The following TNKS variants were observed in gnomAD, a reference collection of about 807,000 sequenced individuals.
The protein encoded by TNKS is poly [ADP-ribose] polymerase tankyrase-1.
In TNKS, 72 loss-of-function variants were observed where a neutral mutation model predicts 135.8. The ratio of observed to expected loss-of-function variants is 0.53; its 90% CI spans 0.44 to 0.64. The LOEUF is 0.64. TNKS is among the 30% of genes least tolerant of loss of function. The pLI, the probability that TNKS is intolerant of heterozygous loss-of-function variation, is 0.00. For missense variants in TNKS, 1,769 were observed against 1,674.0 expected (o/e 1.06, Z -0.99); for synonymous variants, 849 against 649.3 (o/e 1.31, Z -4.68).
chr8:9,701,364 T>C (rs1321792910), intron 5 of TNKS, among the ~76,000 whole-genome samples: 1 of 152,222 alleles, frequency 6.6e-6, no homozygotes, highest in Non-Finnish European at 1.5e-5. Flanking sequence ...TAAAAGATAA[T>C]ACGAAAATGG....
intron 20 of TNKS, among the ~76,000 whole-genome samples, chr8:9,760,862 G>C (rs879848242): frequency 6.6e-6 from 1 of 152,174 alleles, no homozygotes; most frequent in Non-Finnish European, 1.5e-5. Context: ...AAGGAGAAGG[G>C]ATTAAGTCTG....
chr8:9,740,055 T>TAAAAAAA (rs58285747), intron 17 of TNKS, among the ~76,000 whole-genome samples: 20 of 87,430 alleles, frequency 2.3e-4, no homozygotes, highest in East Asian at 3.6e-4. Flanking sequence ...TAGAGTATAA[T>TAAAAAAA]AAAAAAAAAA....
At chr8:9,638,546 G>C (rs1298577335) in intron 3 of TNKS, among the ~76,000 whole-genome samples, 1 of 152,164 alleles carries the variant, frequency 6.6e-6, no homozygotes, top group Non-Finnish European at 1.5e-5. Flanking sequence ...AATCTTGAAT[G>C]ACAGTTTATA....
At chr8:9,639,519 C>CT (rs34044932) in intron 3 of TNKS, among the ~76,000 whole-genome samples, 20,790 of 140,126 alleles carry the variant, frequency 0.15, 1,618 homozygotes, top group East Asian at 0.23. Context: ...TTATCTAAGC[C>CT]TTTTTTTTTT....
At chr8:9,586,235 A>T (rs1221806731) in intron 2 of TNKS, among the ~76,000 whole-genome samples, 1 of 152,212 alleles carries the variant, frequency 6.6e-6, no homozygotes, top group East Asian at 1.9e-4. Context: ...TTTTCTAAAA[A>T]GTCTCTAAGC....
At chr8:9,615,408 C>T (rs1799601851) in intron 2 of TNKS, 174 bp from the exon 3 acceptor site, 2 of 490,058 alleles carry the variant, frequency 4.1e-6, no homozygotes, top group Non-Finnish European at 7.2e-6. Context: ...CTTCATTTCA[C>T]TCTAGAGAGG....
chr8:9,600,863 A>G lies in TNKS; in HGVS notation c.899-14719A>G, dbSNP rs78118060. Among the ~76,000 whole-genome samples the G allele has an allele frequency of 9.8e-3, 1,493 of 152,220 alleles. 17 individuals are homozygous for G. Among genetic ancestry groups the G allele is most frequent in the African/African-American group, 0.032 (1,320 of 41,528 alleles). ...AATAATCCCTTCACTATTTTACTCAATTTGTTTCTACAGTCAGCATTATTA... is the reference window on the plus strand; with the variant it reads ...AATAATCCCTTCACTATTTTACTCAGTTTGTTTCTACAGTCAGCATTATTA... On this transcript the variant is annotated intron_variant, in intron 2 of 26. Transcript: ENST00000310430.
intron 3 of TNKS, among the ~76,000 whole-genome samples, chr8:9,648,923 T>C (rs781072472): frequency 6.6e-6 from 1 of 151,852 alleles, no homozygotes; most frequent in Non-Finnish European, 1.5e-5. Flanking sequence ...TATTACAGGA[T>C]TGTATAGGAA....
At chr8:9,722,830 G>A (rs1301660407) in intron 12 of TNKS, among the ~76,000 whole-genome samples, 1 of 152,080 alleles carries the variant, frequency 6.6e-6, no homozygotes, top group African/African-American at 2.4e-5. Context: ...AGCTTTTAGA[G>A]ATAATTAACA....
At chr8:9,602,758 C>T (rs746386346) in intron 2 of TNKS, among the ~76,000 whole-genome samples, 5 of 152,114 alleles carry the variant, frequency 3.3e-5, no homozygotes, top group Non-Finnish European at 7.3e-5. Context: ...AATGTGATAC[C>T]AACTTAATAA....
In TNKS at chr8:9,770,804, C is replaced by A. The variant is rs1023349692; in HGVS notation, c.3897+542C>A. On this transcript the variant is annotated intron_variant, in intron 26 of 26. Transcript: ENST00000310430. The stretch of plus-strand genomic sequence containing the variant: ...GGTAGGGAATGCTGTTGGGGGAAGA[C>A]TGACAAAGGAATCCTGAACTCCTTT... 2.0e-5 allele frequency among the ~76,000 whole-genome samples: 3 copies of A among 152,180 alleles called. No individual in the cohort carries two copies. In the East Asian group the frequency reaches 5.8e-4, roughly 29 times the overall value.
At chr8:9,591,230 C>G (rs1798580058) in intron 2 of TNKS, among the ~76,000 whole-genome samples, 1 of 152,118 alleles carries the variant, frequency 6.6e-6, no homozygotes, top group Non-Finnish European at 1.5e-5. Context: ...ATAGAGTTGT[C>G]TTTTATTTTT....
intron 21 of TNKS, 102 bp from the exon 22 acceptor site, chr8:9,763,045 C>A: frequency 3.9e-6 from 2 of 515,838 alleles, no homozygotes; most frequent in South Asian, 7.0e-5. Flanking sequence ...GTTCCAAAAC[C>A]TCAATTACTT....
At chr8:9,666,671 A>G (rs1802005363) in intron 3 of TNKS, among the ~76,000 whole-genome samples, 1 of 152,090 alleles carries the variant, frequency 6.6e-6, no homozygotes, top group South Asian at 2.1e-4. Context: ...CAGTGAGCCA[A>G]GATGGTTGCA....
intron 1 of TNKS, among the ~76,000 whole-genome samples, chr8:9,569,186 G>C (rs947807052): frequency 1.3e-5 from 2 of 152,098 alleles, no homozygotes; most frequent in Admixed American, 6.5e-5. Context: ...AATACCGTTT[G>C]GTTTCCTAAA....
chr8:9,575,326 C>T (rs1267085125), intron 1 of TNKS: 2 of 874,356 alleles, frequency 2.3e-6, no homozygotes, highest in Non-Finnish European at 2.7e-6. Context: ...ACCTCGTGAT[C>T]CGCCTGCTTC....
chr8:9,771,757 GGA>G (rs531108979), intron 26 of TNKS, among the ~76,000 whole-genome samples: 13 of 90,892 alleles, frequency 1.4e-4, no homozygotes, highest in Non-Finnish European at 2.8e-4. Context: ...ATTGGAGGAA[GGA>G]GAGAGAAAAA....
At chr8:9,606,627 T>G (rs1211660370) in intron 2 of TNKS, among the ~76,000 whole-genome samples, 3 of 152,160 alleles carry the variant, frequency 2.0e-5, no homozygotes, top group Non-Finnish European at 4.4e-5. Flanking sequence ...TTGAAATTTT[T>G]TATAATTGAT....
intron 3 of TNKS, among the ~76,000 whole-genome samples, chr8:9,664,391 A>G (rs939376162): frequency 1.3e-5 from 2 of 152,192 alleles, no homozygotes; most frequent in African/African-American, 4.8e-5. Flanking sequence ...GCACCTTCCA[A>G]CGCAAATTAA....
Sources: gnomAD v4.1 joint callset for allele counts (sites outside exome capture counted in the v4.1 genomes callset) on GRCh38, gnomAD v4.1.1 for gene constraint, MANE v1.5 for transcripts, NCBI Gene and HGNC (gene_info 2026-07-23, HGNC 2026-07-21) for gene names.